Variants in GNAQ observed in about 807,000 individuals in gnomAD.
GNAQ encodes guanine nucleotide-binding protein G(q) subunit alpha.
GNAQ carries 8 observed loss-of-function variants against 43.9 expected under a neutral mutation model. The observed-to-expected ratio is 0.18, with a 90% CI of 0.11 to 0.33. GNAQ has a LOEUF of 0.33. Among genes scored for constraint, GNAQ ranks in the 10% least tolerant of loss-of-function variants. The pLI, the probability that GNAQ is intolerant of heterozygous loss-of-function variation, is 1.00. For missense variants in GNAQ, 158 were observed against 450.8 expected (o/e 0.35, Z 5.88); for synonymous variants, 155 against 170.7 (o/e 0.91, Z 0.71).
At chr9:77,831,471 C>T (rs189713316) in intron 2 of GNAQ, among the ~76,000 whole-genome samples, 65 of 152,234 alleles carry the variant, frequency 4.3e-4, no homozygotes, top group African/African-American at 9.9e-4. Context: ...CTAGTATCTA[C>T]GATGGCCACC....
intron 5 of GNAQ, among the ~76,000 whole-genome samples, chr9:77,774,117 A>G (rs940591106): frequency 3.3e-5 from 5 of 152,138 alleles, no homozygotes; most frequent in Non-Finnish European, 5.9e-5. Context: ...TCATTTGATT[A>G]TCTACATTGT....
At chr9:78,023,933 T>C (rs1182617240) in intron 1 of GNAQ, among the ~76,000 whole-genome samples, 1 of 152,198 alleles carries the variant, frequency 6.6e-6, no homozygotes, top group Admixed American at 6.5e-5. Context: ...ACACACATAT[T>C]GTATATGTGT....
At chr9:77,796,669 A>T (rs1050033475) in intron 4 of GNAQ, among the ~76,000 whole-genome samples, 1 of 152,202 alleles carries the variant, frequency 6.6e-6, no homozygotes, top group African/African-American at 2.4e-5. Context: ...TAATTAACCC[A>T]TTTTCAAAAT....
intron 2 of GNAQ, among the ~76,000 whole-genome samples, chr9:77,911,843 C>A (rs556192935): frequency 1.3e-4 from 20 of 152,266 alleles, no homozygotes; most frequent in Admixed American, 9.2e-4. Context: ...AAGCCACCAT[C>A]ACCCTTCATA....
chr9:77,940,764 G>A (rs1829304156), intron 1 of GNAQ, among the ~76,000 whole-genome samples: 2 of 151,958 alleles, frequency 1.3e-5, no homozygotes, highest in South Asian at 2.1e-4. Context: ...TCAGGAGATC[G>A]AGACCATCCT....
intron 1 of GNAQ, among the ~76,000 whole-genome samples, chr9:78,008,321 C>T (rs77833878): frequency 1.4e-3 from 213 of 152,354 alleles, no homozygotes; most frequent in African/African-American, 4.9e-3. Flanking sequence ...GAAGAAGGGC[C>T]TTTCATCTGT....
chr9:77,933,338 C>G (rs986107489), intron 1 of GNAQ, among the ~76,000 whole-genome samples: 1 of 152,158 alleles, frequency 6.6e-6, no homozygotes, highest in Non-Finnish European at 1.5e-5. Context: ...GTTCCACACA[C>G]AGACACACAA....
intron 5 of GNAQ, among the ~76,000 whole-genome samples, chr9:77,761,527 G>C (rs1186596296): frequency 1.4e-5 from 2 of 138,102 alleles, no homozygotes; most frequent in African/African-American, 5.4e-5. Flanking sequence ...CCGGCCAGCC[G>C]CCCCGTCCGG....
chr9:77,932,442 G>C (rs544111920), intron 1 of GNAQ, among the ~76,000 whole-genome samples: 14 of 152,244 alleles, frequency 9.2e-5, no homozygotes, highest in Admixed American at 5.2e-4. Flanking sequence ...AGAATTAAAC[G>C]ACAATGAAAT....
At chr9:77,922,437 C>A (rs1829012921) in intron 1 of GNAQ, 92 bp from the exon 2 acceptor site, 2 of 852,164 alleles carry the variant, frequency 2.3e-6, no homozygotes, top group Non-Finnish European at 3.8e-6. Context: ...GATTTAACAT[C>A]CCCAGATAGC....
At chr9:77,890,451 C>A (rs1212148487) in intron 2 of GNAQ, among the ~76,000 whole-genome samples, 1 of 152,120 alleles carries the variant, frequency 6.6e-6, no homozygotes, top group Non-Finnish European at 1.5e-5. Context: ...AGGCTGGGCA[C>A]AGTGGCTCAT....
At chr9:78,012,019 C>T (rs1200118217) in intron 1 of GNAQ, among the ~76,000 whole-genome samples, 1 of 152,084 alleles carries the variant, frequency 6.6e-6, no homozygotes, top group African/African-American at 2.4e-5. Flanking sequence ...CGTTGTTAAG[C>T]TTTCATGTTA....
chr9:77,861,111 G>A (rs560477036), intron 2 of GNAQ, among the ~76,000 whole-genome samples: 1 of 152,168 alleles, frequency 6.6e-6, no homozygotes, highest in Non-Finnish European at 1.5e-5. Flanking sequence ...AATCATGATG[G>A]AAGGCAAGGA....
At chr9:78,013,901 A>C (rs942866370) in intron 1 of GNAQ, among the ~76,000 whole-genome samples, 1 of 152,166 alleles carries the variant, frequency 6.6e-6, no homozygotes, top group Non-Finnish European at 1.5e-5. Context: ...CCAAAAGCCA[A>C]AAATGTTTAC....
intron 4 of GNAQ, among the ~76,000 whole-genome samples, chr9:77,796,463 T>G (rs1826660244): frequency 6.6e-6 from 1 of 152,256 alleles, no homozygotes; most frequent in Non-Finnish European, 1.5e-5. Context: ...GTAGTTTGTA[T>G]TCTAACTAAA....
At chr9:77,926,194 T>C (rs1016293480) in intron 1 of GNAQ, among the ~76,000 whole-genome samples, 1 of 152,174 alleles carries the variant, frequency 6.6e-6, no homozygotes, top group African/African-American at 2.4e-5. Context: ...AACAAATGTG[T>C]AAGCCAAATT....
chr9:77,880,649 T>C (rs372262114), intron 2 of GNAQ, among the ~76,000 whole-genome samples: 1 of 151,908 alleles, frequency 6.6e-6, no homozygotes, highest in Non-Finnish European at 1.5e-5. Flanking sequence ...ACTTCATTAA[T>C]TGCACATGGC....
At chr9:77,944,620 C>A (rs1421587232) in intron 1 of GNAQ, among the ~76,000 whole-genome samples, 1 of 152,184 alleles carries the variant, frequency 6.6e-6, no homozygotes, top group Non-Finnish European at 1.5e-5. Context: ...ATTTCTTCCA[C>A]TGAGGCATTG....
At chr9:77,729,177 T>TAC (rs1164491461) in intron 5 of GNAQ, among the ~76,000 whole-genome samples, 3 of 152,280 alleles carry the variant, frequency 2.0e-5, no homozygotes, top group South Asian at 2.1e-4. Context: ...GTTATTACTC[T>TAC]ACACACACAC....
Sources: gnomAD v4.1 joint callset for allele counts (sites outside exome capture counted in the v4.1 genomes callset) on GRCh38, gnomAD v4.1.1 for gene constraint, MANE v1.5 for transcripts, NCBI Gene and HGNC (gene_info 2026-07-23, HGNC 2026-07-21) for gene names.